Variants in SHLD1 observed in about 807,000 individuals in gnomAD.
SHLD1 encodes the protein RINN1-REV7-interacting novel NHEJ regulator 3.
In SHLD1, 3 loss-of-function variants were observed where a neutral mutation model predicts 5.5. The ratio of observed to expected loss-of-function variants is 0.54; its 90% CI spans 0.25 to 1.40. SHLD1 has a LOEUF of 1.40. Among genes scored for constraint, SHLD1 ranks in the 40% most tolerant of loss-of-function variants. SHLD1 has a pLI of 0.15. For synonymous variants in SHLD1, 92 were observed against 94.3 expected, an observed-to-expected ratio of 0.98 and a Z score of 0.14; for missense variants, 210 against 244.4, an observed-to-expected ratio of 0.86 and a Z score of 0.94.
At chr20:5,807,130 G>C (rs1007239019) in intron 2 of SHLD1, among the ~76,000 whole-genome samples, 9 of 152,030 alleles carry the variant, frequency 5.9e-5, no homozygotes, top group African/African-American at 2.2e-4. Flanking sequence ...GGCAGCTCTT[G>C]GTTATGTATG....
chr20:5,789,436 G>A (rs1007162764), intron 2 of SHLD1, among the ~76,000 whole-genome samples: 2 of 151,674 alleles, frequency 1.3e-5, no homozygotes, highest in African/African-American at 4.8e-5. Flanking sequence ...AATTAGCTGG[G>A]CGTGGTGGTG....
rs148397534 is a variant in SHLD1, at chr20:5,771,844, T to C, written c.-4-1018T>C. 1.3e-4 allele frequency: 28 copies of C among 212,150 alleles called. No individual in the cohort carries two copies. The East Asian group carries it at 3.9e-3, about 30-fold the overall frequency. 13.1% of individuals were successfully genotyped at this position (212,150 alleles called of 1,614,324 possible). A position where few individuals can be genotyped will look rare whatever the true frequency, so the allele number is the denominator to read the frequency against. ...GGCATATGATTTTTTTCTTTGCTTATTGAGTTGAGAACTTTTACCTTTTTT... is the reference window on the plus strand; with the variant it reads ...GGCATATGATTTTTTTCTTTGCTTACTGAGTTGAGAACTTTTACCTTTTTT... On this transcript the variant is annotated intron_variant, in intron 1 of 2. Transcript: ENST00000303142.
chr20:5,794,002 G>A (rs1175448001), intron 2 of SHLD1, among the ~76,000 whole-genome samples: 1 of 151,652 alleles, frequency 6.6e-6, no homozygotes, highest in Non-Finnish European at 1.5e-5. Context: ...GAGCCACCAC[G>A]CCAGGCCCCT....
At chr20:5,776,043 T>G (rs1056895840) in intron 2 of SHLD1, among the ~76,000 whole-genome samples, 1 of 149,676 alleles carries the variant, frequency 6.7e-6, no homozygotes, top group African/African-American at 2.5e-5. Context: ...TTCTCCTGTC[T>G]CAGCCTCCCA....
intron 2 of SHLD1, among the ~76,000 whole-genome samples, chr20:5,801,050 T>G (rs2087286172): frequency 6.6e-6 from 1 of 151,054 alleles, no homozygotes; most frequent in African/African-American, 2.4e-5. Context: ...GCTAGTTGTT[T>G]AGGGACCTAA....
intron 2 of SHLD1, among the ~76,000 whole-genome samples, chr20:5,801,786 C>A (rs2087297820): frequency 6.6e-6 from 1 of 151,978 alleles, no homozygotes; most frequent in Admixed American, 6.6e-5. Context: ...GAGATTGATT[C>A]CCCCGCCCCC....
At chr20:5,813,372 C>T (rs761972612) in intron 2 of SHLD1, among the ~76,000 whole-genome samples, 2 of 152,110 alleles carry the variant, frequency 1.3e-5, no homozygotes, top group Non-Finnish European at 2.9e-5. Context: ...TGCCTGTAGT[C>T]CCAGCTACTT....
chr20:5,825,827 T>C (rs1164642330), intron 2 of SHLD1, among the ~76,000 whole-genome samples: 1 of 152,240 alleles, frequency 6.6e-6, no homozygotes, highest in Non-Finnish European at 1.5e-5. Context: ...GTTTTTATGA[T>C]CTTATCTGCT....
intron 2 of SHLD1, among the ~76,000 whole-genome samples, chr20:5,800,033 AG>A (rs1382268649): frequency 6.6e-6 from 1 of 151,944 alleles, no homozygotes; most frequent in African/African-American, 2.4e-5. Context: ...TTTGTCCTTC[AG>A]GGGGTATTTG....
intron 2 of SHLD1, among the ~76,000 whole-genome samples, chr20:5,794,884 T>C (rs2087189271): frequency 6.6e-6 from 1 of 152,158 alleles, no homozygotes; most frequent in Admixed American, 6.5e-5. Flanking sequence ...ATTCCTGTGC[T>C]CATGGAGTTG....
At chr20:5,815,052 G>A (rs114803146) in intron 2 of SHLD1, among the ~76,000 whole-genome samples, 1 of 152,146 alleles carries the variant, frequency 6.6e-6, no homozygotes, top group Non-Finnish European at 1.5e-5. Context: ...GTTCCTTGGG[G>A]GTTTCTGTGG....
At chr20:5,788,128 C>T (rs1264310614) in intron 2 of SHLD1, among the ~76,000 whole-genome samples, 2 of 152,110 alleles carry the variant, frequency 1.3e-5, no homozygotes. Context: ...TAAGGATACC[C>T]CTAAATTGCT....
intron 1 of SHLD1, chr20:5,772,324 A>G (rs1568494552): frequency 2.9e-6 from 1 of 350,466 alleles, no homozygotes; most frequent in Admixed American, 3.4e-5. Context: ...ACAACAGTCC[A>G]TCTGGTAACT....
chr20:5,783,893 T>C (rs1450567768), intron 2 of SHLD1, among the ~76,000 whole-genome samples: 1 of 152,126 alleles, frequency 6.6e-6, no homozygotes, highest in Non-Finnish European at 1.5e-5. Context: ...GGCTCACGCC[T>C]GTAATCCCAG....
chr20:5,858,993 A>G (rs6076879), intron 2 of SHLD1, among the ~76,000 whole-genome samples: 5,657 of 152,294 alleles, frequency 0.037, 140 homozygotes, highest in Middle Eastern at 0.11. Context: ...TGGAAAATAT[A>G]TAAAAAGGCA....
At chr20:5,853,474 TCG>T (rs1491115735) in intron 2 of SHLD1, among the ~76,000 whole-genome samples, 21 of 151,916 alleles carry the variant, frequency 1.4e-4, no homozygotes. Flanking sequence ...AATAAACAAA[TCG>T]TGTGTGTGTG....
At chr20:5,775,923 A>AGTTTTTTTTTTTTTTT (rs1985401150) in intron 2 of SHLD1, among the ~76,000 whole-genome samples, 1 of 77,678 alleles carries the variant, frequency 1.3e-5, no homozygotes, top group Non-Finnish European at 2.4e-5. Context: ...TCAGCTCAGG[A>AGTTTTTTTTTTTTTTT]TTTTTTTTTT....
chr20:5,818,537 G>C (rs754474748), intron 2 of SHLD1, among the ~76,000 whole-genome samples: 3 of 152,192 alleles, frequency 2.0e-5, no homozygotes, highest in Non-Finnish European at 4.4e-5. Flanking sequence ...ATAATGCAGA[G>C]TTGCCAAGAA....
intron 2 of SHLD1, among the ~76,000 whole-genome samples, chr20:5,798,495 G>C (rs1380011844): frequency 5.9e-5 from 9 of 152,002 alleles, no homozygotes; most frequent in Non-Finnish European, 1.0e-4. Flanking sequence ...GTAGAGACAG[G>C]GTTTCACCGT....
Sources: gnomAD v4.1 joint callset for allele counts (sites outside exome capture counted in the v4.1 genomes callset) on GRCh38, gnomAD v4.1.1 for gene constraint, MANE v1.5 for transcripts, NCBI Gene and HGNC (gene_info 2026-07-23, HGNC 2026-07-21) for gene names.